The following ZBTB16 variants were observed in gnomAD, a reference collection of about 807,000 sequenced individuals.
The protein encoded by ZBTB16 is zinc finger and BTB domain containing 16.
In ZBTB16, 8 loss-of-function variants were observed where a neutral mutation model predicts 56.8. That is an observed-to-expected ratio of 0.14 (90% CI 0.08 to 0.25). ZBTB16 has a LOEUF of 0.25. ZBTB16 is among the 10% of genes least tolerant of loss of function. The pLI is 1.00. For synonymous variants in ZBTB16, 363 were observed against 368.5 expected, an observed-to-expected ratio of 0.98 and a Z score of 0.17; for missense variants, 625 against 903.0, an observed-to-expected ratio of 0.69 and a Z score of 3.95.
intron 2 of ZBTB16, among the ~76,000 whole-genome samples, chr11:114,125,687 G>C (rs2137814421): frequency 6.6e-6 from 1 of 152,200 alleles, no homozygotes; most frequent in Non-Finnish European, 1.5e-5. Flanking sequence ...CGGACCTCCT[G>C]GCCTCCTTTG....
At chr11:114,176,679 T>C (rs1188379021) in intron 3 of ZBTB16, among the ~76,000 whole-genome samples, 1 of 152,212 alleles carries the variant, frequency 6.6e-6, no homozygotes, top group African/African-American at 2.4e-5. Flanking sequence ...CAGCTTCTCA[T>C]GAACACCTGT....
intron 4 of ZBTB16, among the ~76,000 whole-genome samples, chr11:114,206,677 C>T (rs765076432): frequency 5.3e-5 from 8 of 152,184 alleles, no homozygotes; most frequent in Non-Finnish European, 8.8e-5. Flanking sequence ...GGGCTCAGCC[C>T]GCTTTCAGAA....
At position 114,255,306 on chromosome 11, in the gene ZBTB16, T is replaced by C. The variant is rs1422930425; in HGVS notation, c.*4751T>C. On this transcript the variant is annotated 3_prime_UTR_variant, in exon 7 of 7. Transcript: ENST00000335953. ...CAGAATAGTGTTTTTAATTCATCAA[T>C]GTTCTAGTTAATGTCTACCTCAGCA... 6.6e-6 allele frequency among the ~76,000 whole-genome samples: 1 copy of C among 152,196 alleles called. No individual in the cohort carries two copies. Among genetic ancestry groups the C allele is most frequent in the East Asian group, 1.9e-4 (1 of 5,198 alleles).
At chr11:114,187,424 G>C in intron 4 of ZBTB16, 2 of 272,230 alleles carry the variant, frequency 7.3e-6, no homozygotes, top group Non-Finnish European at 7.2e-6. Flanking sequence ...TGAAACCCTC[G>C]TGTGGCCACA....
rs185514995 is a variant in ZBTB16, at chr11:114,249,268, G to A, written c.1793-1058G>A. On this transcript the variant is annotated intron_variant, in intron 6 of 6. Transcript: ENST00000335953. ...GAAGTCAGGAGTTCAAGTCCAGCCC[G>A]GCCAACATGGTGAAACCCTGTCTGT... is the stretch of plus-strand genomic sequence containing the variant. Among the ~76,000 whole-genome samples, 715 of 151,714 alleles carry A rather than the reference G, an allele frequency of 4.7e-3. 6 individuals carry two copies. The highest frequency in any genetic ancestry group is 0.017 in the African/African-American group (683 of 41,346).
intron 2 of ZBTB16, among the ~76,000 whole-genome samples, chr11:114,074,986 C>A (rs1425400264): frequency 6.6e-6 from 1 of 152,070 alleles, no homozygotes; most frequent in Admixed American, 6.6e-5. Flanking sequence ...AGTGACAGAG[C>A]CGTGTTGTGA....
chr11:114,064,017 T>A lies in ZBTB16; in HGVS notation c.717T>A (p.Ala239=), dbSNP rs1419330184. 1 of 1,613,162 alleles carries A rather than the reference T, an allele frequency of 6.2e-7. No individual in the cohort carries two copies. The highest frequency in any genetic ancestry group is 1.7e-5 in the Admixed American group (1 of 59,980). The change falls in exon 2 of 7, where the codon GCT becomes GCA. Residue 239 remains alanine (A), a synonymous_variant. Coordinates refer to ENST00000335953, the MANE Select transcript of ZBTB16 (RefSeq NM_006006.6). This position sits in a 1 kb window ranked among gnomAD's most constrained non-coding sequence, Gnocchi z 4.2. ...GGGGTGGGCGGCACCCTGGGGTGGCTGAGGTGAAGACGGAGATGATGCAGG... is the reference window on the plus strand; with the variant it reads ...GGGGTGGGCGGCACCCTGGGGTGGCAGAGGTGAAGACGGAGATGATGCAGG... The part of the protein sequence containing the change: ...LAGGGRHPGV[A]EVKTEMMQVD...
At chr11:114,170,770 T>C (rs1337481531) in intron 3 of ZBTB16, among the ~76,000 whole-genome samples, 2 of 152,242 alleles carry the variant, frequency 1.3e-5, no homozygotes, top group Non-Finnish European at 2.9e-5. Flanking sequence ...GCTGCATTTT[T>C]GTTGGAGTAA....
At chr11:114,107,204 A>C (rs764987182) in intron 2 of ZBTB16, among the ~76,000 whole-genome samples, 2 of 152,156 alleles carry the variant, frequency 1.3e-5, no homozygotes, top group Non-Finnish European at 2.9e-5. Context: ...CGCTGTCAAC[A>C]AGGGTCATAG....
intron 2 of ZBTB16, among the ~76,000 whole-genome samples, chr11:114,074,495 C>G (rs1939465987): frequency 6.6e-6 from 1 of 152,172 alleles, no homozygotes; most frequent in Non-Finnish European, 1.5e-5. Flanking sequence ...ATGGCAAAAC[C>G]CTCAGCTCCC....
At chr11:114,093,419 C>T (rs958725767) in intron 2 of ZBTB16, among the ~76,000 whole-genome samples, 17 of 152,154 alleles carry the variant, frequency 1.1e-4, no homozygotes. Context: ...CCCCTCTCTT[C>T]CTCCACTACA....
intron 3 of ZBTB16, among the ~76,000 whole-genome samples, chr11:114,162,916 G>A (rs909445346): frequency 2.6e-5 from 4 of 152,170 alleles, no homozygotes; most frequent in African/African-American, 4.8e-5. Context: ...CTTGCTTCCC[G>A]AACTTTTTCC....
At chr11:114,110,399 C>T (rs1940962590) in intron 2 of ZBTB16, among the ~76,000 whole-genome samples, 2 of 152,186 alleles carry the variant, frequency 1.3e-5, no homozygotes, top group Non-Finnish European at 2.9e-5. Flanking sequence ...TCTAGAAATA[C>T]TCCAGGGAAA....
chr11:114,065,686 A>G (rs1019262726), intron 2 of ZBTB16, among the ~76,000 whole-genome samples: 1 of 152,158 alleles, frequency 6.6e-6, no homozygotes, highest in Non-Finnish European at 1.5e-5. Context: ...AAAGTGCTGG[A>G]TTACAGGTAT....
At chr11:114,068,264 A>G (rs1484763847) in intron 2 of ZBTB16, among the ~76,000 whole-genome samples, 1 of 152,048 alleles carries the variant, frequency 6.6e-6, no homozygotes, top group African/African-American at 2.4e-5. Flanking sequence ...AAGGGAATGG[A>G]GAGGAAATGA....
At chr11:114,244,742 A>T (rs1944780845) in intron 5 of ZBTB16, among the ~76,000 whole-genome samples, 2 of 152,072 alleles carry the variant, frequency 1.3e-5, no homozygotes, top group African/African-American at 2.4e-5. Flanking sequence ...CCACTTCATA[A>T]TTAAATTCCT....
chr11:114,118,466 G>A (rs1024361031), intron 2 of ZBTB16, among the ~76,000 whole-genome samples: 6 of 152,156 alleles, frequency 3.9e-5, no homozygotes, highest in Admixed American at 3.3e-4. Context: ...GTGAGCCACC[G>A]TGCCTGGCCC....
chr11:114,233,060 T>A (rs1322166938), intron 4 of ZBTB16, among the ~76,000 whole-genome samples: 1 of 77,606 alleles, frequency 1.3e-5, no homozygotes, highest in South Asian at 6.1e-4. Flanking sequence ...CTACTGCACA[T>A]ACGCATGCGC....
Position 114,250,800 on chromosome 11 carries a change from A to T in ZBTB16, c.*245A>T. The T allele has an allele frequency of 1.8e-6, 1 of 566,680 alleles. No individual in the cohort carries two copies. Among genetic ancestry groups the T allele is most frequent in the Non-Finnish European group, 3.1e-6 (1 of 318,508 alleles). 35.1% of individuals were successfully genotyped at this position (566,680 alleles called of 1,614,324 possible). ...CTGGAGGTTTGCCTGATTTTCTGGG[A>T]TGGGGTTGGGTATTTTGTTCACTCA... On this transcript the variant is annotated 3_prime_UTR_variant, in exon 7 of 7. Coordinates refer to ENST00000335953, the MANE Select transcript of ZBTB16 (RefSeq NM_006006.6). The surrounding 1 kb of genome is among the most constrained non-coding windows in gnomAD (Gnocchi z 6.0).
Sources: allele counts gnomAD v4.1 joint callset (sites outside exome capture counted in the v4.1 genomes callset), GRCh38; gene constraint gnomAD v4.1.1; non-coding constraint Gnocchi (gnomAD v3.1); transcripts MANE v1.5; gene names NCBI Gene and HGNC (gene_info 2026-07-23, HGNC 2026-07-21).